Variants in CELF1 observed in about 807,000 individuals in gnomAD.
The protein encoded by CELF1 is 50 kDa nuclear polyadenylated RNA-binding protein.
In CELF1, 10 loss-of-function variants were observed where a neutral mutation model predicts 61.8. That is an observed-to-expected ratio of 0.16 (90% CI 0.10 to 0.27). The LOEUF (loss-of-function observed/expected upper bound fraction) is 0.27, where lower values mean the gene tolerates loss of function less well. Among genes scored for constraint, CELF1 ranks in the 10% least tolerant of loss-of-function variants. The pLI is 1.00. For synonymous variants in CELF1, 236 were observed against 225.1 expected (o/e 1.05, Z -0.43); for missense variants, 380 against 639.1 (o/e 0.59, Z 4.37).
At chr11:47,499,993 T>G (rs2093697175) in intron 2 of CELF1, among the ~76,000 whole-genome samples, 1 of 152,138 alleles carries the variant, frequency 6.6e-6, no homozygotes, top group Non-Finnish European at 1.5e-5. Context: ...AAGAAATGGG[T>G]TGTTAGCCTT....
intron 1 of CELF1, among the ~76,000 whole-genome samples, chr11:47,547,065 CAAAAAAAAAAAAAAAA>C (rs61222771): frequency 2.5e-5 from 1 of 39,954 alleles, no homozygotes; most frequent in African/African-American, 1.5e-4. Context: ...AACTCCACCT[CAAAAAAAAAAAAAAAA>C]AAAAAAAAAA....
At chr11:47,483,016 C>T (rs1232898304) in intron 8 of CELF1, among the ~76,000 whole-genome samples, 160 bp from the exon 9 acceptor site, 1 of 152,132 alleles carries the variant, frequency 6.6e-6, no homozygotes, top group Non-Finnish European at 1.5e-5. Context: ...AATCCCAACA[C>T]TTTGGGAGGC....
chr11:47,489,059 T>A (rs756434639), intron 3 of CELF1, 35 bp from the exon 4 acceptor site: 1 of 1,444,624 alleles, frequency 6.9e-7, no homozygotes, highest in Non-Finnish European at 9.1e-7. Flanking sequence ...TATTATGTAA[T>A]AATGTTGCTT....
At chr11:47,555,229 G>A (rs747203181), upstream of CELF1, among the ~76,000 whole-genome samples, 1 of 152,180 alleles carries the variant, frequency 6.6e-6, no homozygotes, top group Non-Finnish European at 1.5e-5. Context: ...GCTAAATAAG[G>A]AAAGGCACCA....
chr11:47,522,165 G>A (rs1010693117), intron 1 of CELF1, among the ~76,000 whole-genome samples: 4 of 151,800 alleles, frequency 2.6e-5, no homozygotes, highest in East Asian at 3.9e-4. Context: ...TGCCTGCCTC[G>A]GCCTCCCAAA....
At chr11:47,557,221 G>GT (rs932737272), upstream of CELF1, among the ~76,000 whole-genome samples, 4 of 146,438 alleles carry the variant, frequency 2.7e-5, no homozygotes, top group African/African-American at 7.6e-5. Context: ...TGTTTGTTTT[G>GT]TTTTGTTTTT....
At chr11:47,491,219 G>A (rs1334645864) in intron 3 of CELF1, among the ~76,000 whole-genome samples, 1 of 143,884 alleles carries the variant, frequency 7.0e-6, no homozygotes, top group Non-Finnish European at 1.5e-5. Flanking sequence ...CTGGAGTGCA[G>A]TGGCGTAATC....
rs562623796 is a variant in CELF1, at chr11:47,479,667, G to A, written c.769-715C>T. ...AAGAGGGCCTGTCCCTGAGTTTGTG[G>A]CATTAGTTTACTTTGTATATTGGCA... is the stretch of plus-strand genomic sequence containing the variant. On this transcript the variant is annotated intron_variant, in intron 9 of 14. Coordinates refer to ENST00000687097, the MANE Select transcript of CELF1 (RefSeq NM_001376376.1). Among the ~76,000 whole-genome samples the A allele has an allele frequency of 1.1e-4, 17 of 152,290 alleles. No homozygotes were observed. The South Asian group carries it at 2.5e-3, about 22-fold the overall frequency.
At chr11:47,517,231 G>A (rs1597664033) in intron 1 of CELF1, among the ~76,000 whole-genome samples, 1 of 137,092 alleles carries the variant, frequency 7.3e-6, no homozygotes. Context: ...GGACAACTGA[G>A]AGAGAGCCTG....
intron 1 of CELF1, among the ~76,000 whole-genome samples, chr11:47,538,781 AAAAC>A (rs2096701436): frequency 6.6e-6 from 1 of 152,216 alleles, no homozygotes; most frequent in Non-Finnish European, 1.5e-5. Flanking sequence ...TCACAGGAAA[AAAAC>A]AAAATCACGT....
At chr11:47,541,173 A>G (rs769139671) in intron 1 of CELF1, among the ~76,000 whole-genome samples, 1 of 152,230 alleles carries the variant, frequency 6.6e-6, no homozygotes, top group Non-Finnish European at 1.5e-5. Context: ...GAAATTAACA[A>G]AAACTTAACA....
At chr11:47,489,565 T>C (rs935883245) in intron 3 of CELF1, among the ~76,000 whole-genome samples, 1 of 152,210 alleles carries the variant, frequency 6.6e-6, no homozygotes, top group Non-Finnish European at 1.5e-5. Context: ...AGCTGACTCA[T>C]GTATAATCAT....
intron 13 of CELF1, among the ~76,000 whole-genome samples, chr11:47,474,926 A>C (rs761639036): frequency 6.6e-6 from 1 of 152,218 alleles, no homozygotes; most frequent in Non-Finnish European, 1.5e-5. Flanking sequence ...ACAAACATCA[A>C]TCAGAAAGTG....
chr11:47,524,146 C>T (rs2096107636), intron 1 of CELF1, among the ~76,000 whole-genome samples: 1 of 152,166 alleles, frequency 6.6e-6, no homozygotes, highest in Non-Finnish European at 1.5e-5. Context: ...TTAACCCCTA[C>T]TGCACTCTTT....
intron 3 of CELF1, among the ~76,000 whole-genome samples, chr11:47,492,757 T>C (rs2092062854): frequency 6.6e-6 from 1 of 152,098 alleles, no homozygotes; most frequent in South Asian, 2.1e-4. Flanking sequence ...GCCCTATCAC[T>C]AGTGAAACAC....
intron 2 of CELF1, among the ~76,000 whole-genome samples, chr11:47,560,646 A>C (rs2153791095): frequency 6.6e-6 from 1 of 152,248 alleles, no homozygotes; most frequent in South Asian, 2.1e-4. Context: ...CTAAAATTAG[A>C]TATTGGTGAT....
At chr11:47,545,597 A>G (rs1007302238) in intron 1 of CELF1, among the ~76,000 whole-genome samples, 1 of 152,180 alleles carries the variant, frequency 6.6e-6, no homozygotes, top group Non-Finnish European at 1.5e-5. Flanking sequence ...GTGAATCTGA[A>G]GTCTTACAGC....
At chr11:47,479,032 A>AAGCGAG in intron 9 of CELF1, 80 bp from the exon 10 acceptor site, 1 of 1,175,550 alleles carries the variant, frequency 8.5e-7, no homozygotes, top group Non-Finnish European at 1.2e-6. Context: ...CAGCACAGCA[A>AAGCGAG]AGCGAGAGTG....
intron 1 of CELF1, among the ~76,000 whole-genome samples, chr11:47,537,726 C>T (rs1273920224): frequency 6.6e-6 from 1 of 152,008 alleles, no homozygotes; most frequent in African/African-American, 2.4e-5. Context: ...TGTTCCAAAA[C>T]ATAAAATTAA....
Sources: allele counts gnomAD v4.1 joint callset (sites outside exome capture counted in the v4.1 genomes callset), GRCh38; gene constraint gnomAD v4.1.1; transcripts MANE v1.5; gene names NCBI Gene and HGNC (gene_info 2026-07-23, HGNC 2026-07-21).